DPP6: variants seen among roughly 807,000 people sequenced by gnomAD.
DPP6 encodes the protein A-type potassium channel modulatory protein DPP6.
Under a neutral mutation model 122.6 loss-of-function variants are expected in DPP6, and 69 were observed. The ratio of observed to expected loss-of-function variants is 0.56; its 90% CI spans 0.46 to 0.69. The LOEUF (loss-of-function observed/expected upper bound fraction) is 0.69. Ranked by LOEUF, DPP6 falls within the 30% of genes least tolerant of loss-of-function variation. DPP6 has a pLI of 0.00. For missense variants in DPP6, 928 were observed against 1,116.9 expected (o/e 0.83, Z 2.41); for synonymous variants, 418 against 433.1 (o/e 0.97, Z 0.43).
chr7:154,056,837 T>G (rs1310510141), intron 1 of DPP6, among the ~76,000 whole-genome samples: 2 of 152,258 alleles, frequency 1.3e-5, no homozygotes, highest in Non-Finnish European at 2.9e-5. Context: ...CTAGCTTCCC[T>G]CTACAAATAT....
chr7:154,303,951 G>A (rs776366046), intron 1 of DPP6, among the ~76,000 whole-genome samples: 1 of 152,218 alleles, frequency 6.6e-6, no homozygotes, highest in Non-Finnish European at 1.5e-5. Flanking sequence ...TTGGAAAGGG[G>A]CTGAACAAGG....
At position 154,376,292 on chromosome 7, in the gene DPP6, C is replaced by G. The variant is rs201856417; in HGVS notation, c.244-69922C>G. ...GGACTGAAGCCACTGATGGTTGCTC[C>G]GTACTTTGGTTCTACTTAAAAAATA... On this transcript the variant is annotated intron_variant, in intron 1 of 25. Transcript: ENST00000377770. Among the ~76,000 whole-genome samples, 3 of 152,258 alleles carry G rather than the reference C, an allele frequency of 2.0e-5. No individual in the cohort carries two copies. In the East Asian group the frequency reaches 5.8e-4, roughly 29 times the overall value.
At chr7:154,711,333 T>A (rs1249740274) in intron 7 of DPP6, among the ~76,000 whole-genome samples, 1 of 151,968 alleles carries the variant, frequency 6.6e-6, no homozygotes, top group African/African-American at 2.4e-5. Flanking sequence ...AGGCCAGGAG[T>A]CTGAGACCAG....
intron 2 of DPP6, among the ~76,000 whole-genome samples, chr7:154,458,846 G>A (rs575597537): frequency 6.6e-6 from 1 of 152,292 alleles, no homozygotes; most frequent in South Asian, 2.1e-4. Context: ...ATTCACAATG[G>A]GAGTCCATGC....
intron 1 of DPP6, among the ~76,000 whole-genome samples, chr7:154,062,055 C>T (rs192393856): frequency 8.8e-6 from 1 of 113,458 alleles, no homozygotes; most frequent in Non-Finnish European, 1.9e-5. Context: ...GACTGACAGC[C>T]AGCCCCTGGT....
At position 154,694,946 on chromosome 7, in the gene DPP6, C is replaced by T. The variant is rs73730236; in HGVS notation, c.762+25505C>T. 8.4e-3 allele frequency among the ~76,000 whole-genome samples: 1,276 copies of T among 152,306 alleles called. 20 individuals are homozygous for T. Among genetic ancestry groups the T allele is most frequent in the African/African-American group, 0.029 (1,205 of 41,556 alleles). On this transcript the variant is annotated intron_variant, in intron 7 of 25. Coordinates refer to ENST00000377770, the MANE Select transcript of DPP6 (RefSeq NM_130797.4). Reference sequence around the variant, plus strand: ...CCCATGCCAGACTTCTGAATCTCATCTTATGAGTCCATTAATTCACTGTTC... The same window carrying T: ...CCCATGCCAGACTTCTGAATCTCATTTTATGAGTCCATTAATTCACTGTTC...
intron 7 of DPP6, among the ~76,000 whole-genome samples, chr7:154,685,014 C>T (rs1250747361): frequency 6.6e-6 from 1 of 152,154 alleles, no homozygotes; most frequent in East Asian, 1.9e-4. Flanking sequence ...ATTAATCAGT[C>T]AATGGAAAAG....
At chr7:154,479,837 C>G (rs1412316642) in intron 3 of DPP6, among the ~76,000 whole-genome samples, 1 of 151,974 alleles carries the variant, frequency 6.6e-6, no homozygotes, top group East Asian at 1.9e-4. Context: ...CTGGCCCATT[C>G]CCTCTTTCTC....
intron 5 of DPP6, among the ~76,000 whole-genome samples, chr7:154,608,679 G>A (rs1833728036): frequency 2.6e-5 from 4 of 151,710 alleles, no homozygotes. Context: ...AGTCATCCCT[G>A]TACTCATTTC....
At chr7:154,667,814 G>A (rs1185288352) in intron 6 of DPP6, among the ~76,000 whole-genome samples, 1 of 151,984 alleles carries the variant, frequency 6.6e-6, no homozygotes, top group African/African-American at 2.4e-5. Flanking sequence ...CCGATCACTG[G>A]GCAGCTGCCT....
chr7:154,784,946 G>A (rs927241924), intron 10 of DPP6, among the ~76,000 whole-genome samples: 5 of 151,860 alleles, frequency 3.3e-5, no homozygotes, highest in African/African-American at 1.2e-4. Flanking sequence ...CTTATTTCTT[G>A]AGGAGCTTGA....
At chr7:153,937,879 G>C (rs575107136) in intron 1 of DPP6, among the ~76,000 whole-genome samples, 1 of 152,142 alleles carries the variant, frequency 6.6e-6, no homozygotes, top group Non-Finnish European at 1.5e-5. Flanking sequence ...ACTGCATCAC[G>C]TGAAGCAAGA....
chr7:154,786,561 A>G (rs1219677434), intron 10 of DPP6, among the ~76,000 whole-genome samples: 1 of 152,140 alleles, frequency 6.6e-6, no homozygotes, highest in Non-Finnish European at 1.5e-5. Context: ...CCTTGCCACC[A>G]TATGAAGAAG....
At chr7:154,495,202 T>G (rs1824624939) in intron 3 of DPP6, among the ~76,000 whole-genome samples, 1 of 152,140 alleles carries the variant, frequency 6.6e-6, no homozygotes, top group Non-Finnish European at 1.5e-5. Context: ...TGGTAGGAAA[T>G]GGGGCCATGA....
At chr7:154,864,004 G>A (rs3892146) in intron 17 of DPP6, among the ~76,000 whole-genome samples, 3,995 of 152,134 alleles carry the variant, frequency 0.026, 207 homozygotes, top group Admixed American at 0.13. Flanking sequence ...ACTGATGGCC[G>A]CAGGGGAAGG....
rs746970815 is a variant in DPP6, at chr7:154,892,853, G to C, written c.*373G>C. On this transcript the variant is annotated 3_prime_UTR_variant, in exon 26 of 26. Transcript: ENST00000377770. ...GCCACCAAGCGGAAGCATGAGACCCGCCCACACTAGCCTCTGTGTTCCCGT... is the reference window on the plus strand; with the variant it reads ...GCCACCAAGCGGAAGCATGAGACCCCCCCACACTAGCCTCTGTGTTCCCGT... The C allele has an allele frequency of 1.9e-6, 1 of 539,300 alleles. No homozygotes were observed. The highest frequency in any genetic ancestry group is 1.9e-5 in the African/African-American group (1 of 52,744). 33.4% of individuals were successfully genotyped at this position (539,300 alleles called of 1,614,324 possible). A position where few individuals can be genotyped will look rare whatever the true frequency, so the allele number is the denominator to read the frequency against.
chr7:154,193,142 A>C (rs1269712099), intron 1 of DPP6, among the ~76,000 whole-genome samples: 1 of 152,358 alleles, frequency 6.6e-6, no homozygotes, highest in African/African-American at 2.4e-5. Context: ...GGCTATTTAC[A>C]TGCAAATGTC....
the DPP6 span, among the ~76,000 whole-genome samples, chr7:153,857,762 A>C: frequency 2.6e-5 from 4 of 152,232 alleles, no homozygotes; most frequent in African/African-American, 2.4e-5. Flanking sequence ...TGAATATTTT[A>C]GTAATGTTTG....
intron 6 of DPP6, among the ~76,000 whole-genome samples, chr7:154,653,105 A>G (rs1836987744): frequency 6.6e-6 from 1 of 152,238 alleles, no homozygotes; most frequent in South Asian, 2.1e-4. Flanking sequence ...TTGTTCTGTA[A>G]TGGGATTTTA....
Sources: gnomAD v4.1 joint callset for allele counts (sites outside exome capture counted in the v4.1 genomes callset) on GRCh38, gnomAD v4.1.1 for gene constraint, MANE v1.5 for transcripts, NCBI Gene and HGNC (gene_info 2026-07-23, HGNC 2026-07-21) for gene names.